The following CPEB2 variants were observed in gnomAD, a reference collection of about 807,000 sequenced individuals.
CPEB2 encodes cytoplasmic polyadenylation element binding protein 2.
In CPEB2, 56 loss-of-function variants were observed where a neutral mutation model predicts 93.6. The observed-to-expected ratio is 0.60, with a 90% confidence interval of 0.48 to 0.75. CPEB2 has a LOEUF of 0.75. Among genes scored for constraint, CPEB2 ranks in the 30% least tolerant of loss-of-function variants. CPEB2 has a pLI of 0.00. For synonymous variants in CPEB2, 764 were observed against 586.3 expected (o/e 1.30, Z -4.38); for missense variants, 1,579 against 1,395.1 (o/e 1.13, Z -2.10).
At chr4:15,032,087 AG>A (rs1358385914) in intron 4 of CPEB2, among the ~76,000 whole-genome samples, 5 of 152,206 alleles carry the variant, frequency 3.3e-5, no homozygotes, top group Non-Finnish European at 7.3e-5. Flanking sequence ...TTTTCAAATC[AG>A]TTAAAAAAAT....
chr4:15,004,175 C>T lies in CPEB2; in HGVS notation c.1502C>T (p.Pro501Leu). The T allele has an allele frequency of 2.1e-6, 3 of 1,445,714 alleles. No homozygotes were observed. Among genetic ancestry groups the T allele is most frequent in the African/African-American group, 1.5e-5 (1 of 66,436 alleles). The allele number at this position is 1,445,714 out of a possible 1,614,324, so 89.6% of individuals were successfully genotyped here. A position where few individuals can be genotyped will look rare whatever the true frequency, so the allele number is the denominator to read the frequency against. Residue 501 changes from proline to leucine, a missense_variant, in exon 1 of 12, where the codon CCG becomes CTG. Coordinates refer to ENST00000538197, the MANE Select transcript of CPEB2 (RefSeq NM_001177382.2). ...PFSATAVPPPPPPAMNIPQQQ... is the reference protein window; with the variant it reads ...PFSATAVPPPLPPAMNIPQQQ... The stretch of plus-strand genomic sequence containing the variant: ...TCGGCTACCGCTGTGCCCCCTCCGC[C>T]GCCGCCCGCCATGAATATACCTCAA...
chr4:15,027,864 G>A (rs530891926), intron 4 of CPEB2, among the ~76,000 whole-genome samples: 18 of 152,008 alleles, frequency 1.2e-4, no homozygotes, highest in Non-Finnish European at 2.5e-4. Flanking sequence ...ATGACTAAGA[G>A]GTAGATATTT....
At chr4:15,028,538 A>G (rs1183258770) in intron 4 of CPEB2, among the ~76,000 whole-genome samples, 1 of 152,118 alleles carries the variant, frequency 6.6e-6, no homozygotes, top group Non-Finnish European at 1.5e-5. Context: ...TACTGCCTTC[A>G]TGGATCTTCT....
At chr4:15,065,617 G>A (rs1357123542) in intron 11 of CPEB2, among the ~76,000 whole-genome samples, 3 of 152,094 alleles carry the variant, frequency 2.0e-5, no homozygotes, top group African/African-American at 7.2e-5. Flanking sequence ...GTTCTGCCAA[G>A]TCAGACCTTC....
intron 11 of CPEB2, among the ~76,000 whole-genome samples, chr4:15,065,764 G>A (rs1729648142): frequency 3.9e-5 from 6 of 152,074 alleles, no homozygotes; most frequent in South Asian, 4.1e-4. Flanking sequence ...GTGGAGAGGC[G>A]CCGCCTTAAT....
Position 15,002,699 on chromosome 4 carries a change from T to C in CPEB2, c.26T>C (p.Leu9Pro), listed in dbSNP as rs1722105765. The change falls in exon 1 of 12, where the codon CTG becomes CCG. Residue 9 changes from leucine (L) to proline (P), a missense_variant. Coordinates refer to ENST00000538197, the MANE Select transcript of CPEB2 (RefSeq NM_001177382.2). The part of the protein sequence containing the change: MRDFGFGV[L>P]QTAPLRSSSP... ...ATGAGGGATTTCGGGTTTGGGGTGC[T>C]GCAGACCGCCCCGCTCCGAAGTAGC... 6.6e-7 allele frequency: 1 copy of C among 1,521,040 alleles called. No homozygotes were observed. Among genetic ancestry groups the C allele is most frequent in the African/African-American group, 1.4e-5 (1 of 71,904 alleles). The allele number at this position is 1,521,040 out of a possible 1,614,324, so 94.2% of individuals were successfully genotyped here.
At chr4:15,018,749 T>C (rs1724452165) in intron 4 of CPEB2, among the ~76,000 whole-genome samples, 1 of 150,708 alleles carries the variant, frequency 6.6e-6, no homozygotes, top group Non-Finnish European at 1.5e-5. Flanking sequence ...TTTTTCATTG[T>C]TGTTTCTCCC....
chr4:15,029,453 T>C (rs1279527548), intron 4 of CPEB2, among the ~76,000 whole-genome samples: 4 of 152,126 alleles, frequency 2.6e-5, no homozygotes, highest in Admixed American at 2.6e-4. Context: ...AAATTACTTA[T>C]TTTAAATTTC....
intron 4 of CPEB2, among the ~76,000 whole-genome samples, chr4:15,032,090 TA>T (rs1267242236): frequency 6.6e-6 from 1 of 152,204 alleles, no homozygotes; most frequent in Non-Finnish European, 1.5e-5. Context: ...TCAAATCAGT[TA>T]AAAAAATTTT....
At chr4:15,066,131 C>T in intron 11 of CPEB2, 22 bp from the exon 12 acceptor site, 1 of 1,595,648 alleles carries the variant, frequency 6.3e-7, no homozygotes, top group South Asian at 1.1e-5. Context: ...CCTAATGAGA[C>T]TTAACTTTCT....
In CPEB2 at chr4:15,062,002, G is replaced by A. The variant is rs184754415; in HGVS notation, c.2696-77G>A. ...ATGATAATATACTATTGACTTTTAC[G>A]TTTTACAAAAAGTACTTAAAAATTG... On this transcript the variant is annotated intron_variant, in intron 10 of 11. Coordinates refer to ENST00000538197, the MANE Select transcript of CPEB2 (RefSeq NM_001177382.2). 6.6e-5 allele frequency: 87 copies of A among 1,320,376 alleles called. 1 individual carries two copies. Among genetic ancestry groups the A allele is most frequent in the African/African-American group, 6.3e-4 (43 of 68,140 alleles). The allele number at this position is 1,320,376 out of a possible 1,614,324, so 81.8% of individuals were successfully genotyped here. A position where few individuals can be genotyped will look rare whatever the true frequency, so the allele number is the denominator to read the frequency against.
chr4:15,052,802 G>T (rs1728352953), intron 7 of CPEB2, among the ~76,000 whole-genome samples: 1 of 151,938 alleles, frequency 6.6e-6, no homozygotes, highest in Non-Finnish European at 1.5e-5. Context: ...TATCATATTT[G>T]TAACTGTGAG....
chr4:15,033,243 G>C, intron 5 of CPEB2, 32 bp downstream of exon 5: 1 of 1,334,822 alleles, frequency 7.5e-7, no homozygotes, highest in East Asian at 2.3e-5. Flanking sequence ...TATGTTTCCA[G>C]TTGATTTATG....
At position 15,004,221 on chromosome 4, in the gene CPEB2, G is replaced by T; in HGVS notation, c.1548G>T (p.Ala516=). ...CTCAACAGCAGCCCCCGCCGCCCGCGGCGCCGCAGCAGCCGCAGAGCCGGA... is the reference window on the plus strand; with the variant it reads ...CTCAACAGCAGCCCCCGCCGCCCGCTGCGCCGCAGCAGCCGCAGAGCCGGA... ...NIPQQQPPPP[A]APQQPQSRRS... is the part of the protein sequence containing the mutation. Residue 516 remains alanine, a synonymous_variant, in exon 1 of 12, where the codon GCG becomes GCT. Transcript: ENST00000538197. The T allele has an allele frequency of 2.1e-6, 3 of 1,420,082 alleles. No homozygotes were observed. The highest frequency in any genetic ancestry group is 2.8e-6 in the Non-Finnish European group (3 of 1,081,712). 88.0% of individuals were successfully genotyped at this position (1,420,082 alleles called of 1,614,324 possible). A position where few individuals can be genotyped will look rare whatever the true frequency, so the allele number is the denominator to read the frequency against.
In CPEB2 at chr4:15,048,252, T is replaced by C. The variant is rs370480324; in HGVS notation, c.2201-4162T>C. On this transcript the variant is annotated intron_variant, in intron 6 of 11. Transcript: ENST00000538197. The stretch of plus-strand genomic sequence containing the variant: ...TAAAAAAAAGTTGTGAAGTGCTTCC[T>C]CTTTCTTTATTCTCTGGAAGAGTTT... 7.9e-5 allele frequency among the ~76,000 whole-genome samples: 12 copies of C among 152,158 alleles called. No individual in the cohort carries two copies. In the East Asian group the frequency reaches 9.6e-4, roughly 12 times the overall value.
chr4:15,061,997 T>C, intron 10 of CPEB2, 82 bp from the exon 11 acceptor site: 1 of 1,291,806 alleles, frequency 7.7e-7, no homozygotes, highest in Non-Finnish European at 1.1e-6. Flanking sequence ...ACTATTGACT[T>C]TTACGTTTTA....
At chr4:15,021,374 A>T (rs1724795341) in intron 4 of CPEB2, among the ~76,000 whole-genome samples, 1 of 152,178 alleles carries the variant, frequency 6.6e-6, no homozygotes, top group South Asian at 2.1e-4. Flanking sequence ...TTTCAGTTTT[A>T]GATTTGCATA....
At chr4:15,056,718 G>A (rs1728744565) in intron 8 of CPEB2, among the ~76,000 whole-genome samples, 1 of 152,150 alleles carries the variant, frequency 6.6e-6, no homozygotes, top group Non-Finnish European at 1.5e-5. Context: ...AGTGACTAGA[G>A]TCCCTTAGAT....
chr4:15,027,896 G>A (rs1233452627), intron 4 of CPEB2, among the ~76,000 whole-genome samples: 2 of 152,102 alleles, frequency 1.3e-5, no homozygotes, highest in Non-Finnish European at 2.9e-5. Flanking sequence ...ACAGTTGGAT[G>A]ACTATGGCTT....
Sources: gnomAD v4.1 joint callset for allele counts (sites outside exome capture counted in the v4.1 genomes callset) on GRCh38, gnomAD v4.1.1 for gene constraint, MANE v1.5 for transcripts, NCBI Gene and HGNC (gene_info 2026-07-23, HGNC 2026-07-21) for gene names.